Variants in WNK2 observed in about 807,000 individuals in gnomAD.
WNK2 encodes the protein WNK lysine deficient protein kinase 2.
A neutral mutation model predicts 192.1 loss-of-function variants in WNK2; 67 were observed. The ratio of observed to expected loss-of-function variants is 0.35; its 90% CI spans 0.29 to 0.43. WNK2 has a LOEUF of 0.43. Ranked by LOEUF, WNK2 falls within the 20% of genes least tolerant of loss-of-function variation. The pLI is 1.00. For synonymous variants in WNK2, 1,439 were observed against 1,393.9 expected (o/e 1.03, Z -0.72); for missense variants, 2,698 against 3,089.7 (o/e 0.87, Z 3.01).
At chr9:93,196,092 G>T (rs974751079) in intron 2 of WNK2, among the ~76,000 whole-genome samples, 3 of 152,202 alleles carry the variant, frequency 2.0e-5, no homozygotes, top group Non-Finnish European at 4.4e-5. Flanking sequence ...CTTGAAGGGT[G>T]CGAGGGGGAA....
chr9:93,302,497 TGTGG>T, intron 26 of WNK2, among the ~76,000 whole-genome samples: 1 of 152,142 alleles, frequency 6.6e-6, no homozygotes, highest in Non-Finnish European at 1.5e-5. Context: ...ACTGCCCTGG[TGTGG>T]GGCACTCCCA....
rs745677063 is a variant in WNK2, at chr9:93,289,423, C to T, written c.4669C>T (p.Arg1557Trp). 8.7e-6 allele frequency: 14 copies of T among 1,612,994 alleles called. No homozygotes were observed. The highest frequency in any genetic ancestry group is 1.7e-5 in the Admixed American group (1 of 60,018). ...CATCAAGAGCCTGGACGAGAAGCTG[C>T]GGACTCTGCTCTACCAGGAGCACGT... The part of the protein sequence containing the change: ...STIKSLDEKL[R>W]TLLYQEHVPT... Residue 1557 changes from arginine to tryptophan, a missense_variant, in exon 20 of 30, where the codon CGG becomes TGG. By Grantham distance (101) the Arg-to-Trp change is moderately radical. Around this residue, in one of 7 missense-constraint regions of WNK2, gnomAD observed 1,098 missense variants for 1,101.0 expected, o/e 1.00. Coordinates refer to ENST00000427277, the MANE Select transcript of WNK2 (RefSeq NM_006648.4).
rs373241231 is a variant in WNK2 at position 93,185,526 on chromosome 9, C to T, written c.597C>T (p.Ile199=). ...ACGGCCGCTTCCTCAAGTTCGACAT[C>T]GAGCTGGGCCGCGGTTCCTTCAAGA... is the stretch of plus-strand genomic sequence containing the variant. ...SLDGRFLKFD[I]ELGRGSFKTV... The change falls in exon 2 of 30, where the codon ATC becomes ATT. Residue 199 remains isoleucine (I), a synonymous_variant. Transcript: ENST00000427277. 63 of 1,612,884 alleles carry T rather than the reference C, an allele frequency of 3.9e-5. No individual in the cohort carries two copies. Among genetic ancestry groups the T allele is most frequent in the Non-Finnish European group, 4.7e-5 (56 of 1,179,712 alleles).
chr9:93,198,216 C>T (rs1831633762), intron 2 of WNK2, among the ~76,000 whole-genome samples: 1 of 152,230 alleles, frequency 6.6e-6, no homozygotes, highest in South Asian at 2.1e-4. Flanking sequence ...GATCGCCCAG[C>T]TCCCTCCTCC....
chr9:93,310,868 G>T (rs1014490632), intron 28 of WNK2, among the ~76,000 whole-genome samples: 2 of 152,206 alleles, frequency 1.3e-5, no homozygotes, highest in Non-Finnish European at 2.9e-5. Context: ...GGAGGCTGAG[G>T]TGGGAGGATC....
rs933698820 is a variant in WNK2, at chr9:93,230,775, C to T, written c.855-113C>T. 9.2e-5 allele frequency: 88 copies of T among 953,958 alleles called. 1 individual carries two copies. In the East Asian group the frequency reaches 1.3e-3, roughly 14 times the overall value. The allele number at this position is 953,958 out of a possible 1,614,324, so 59.1% of individuals were successfully genotyped here. On this transcript the variant is annotated intron_variant, in intron 3 of 29. Transcript: ENST00000427277. ...TTCACTACCTGTCACGGGTATGTGC[C>T]GTGTGCACGGGAATGGACTTTGTAC...
At chr9:93,312,756 T>C (rs748463012) in intron 28 of WNK2, among the ~76,000 whole-genome samples, 8 of 152,190 alleles carry the variant, frequency 5.3e-5, no homozygotes, top group Non-Finnish European at 1.0e-4. Flanking sequence ...CCCCTTTGAA[T>C]GGTCTTGGCC....
At chr9:93,240,819 T>A (rs962522527) in intron 7 of WNK2, among the ~76,000 whole-genome samples, 1 of 152,188 alleles carries the variant, frequency 6.6e-6, no homozygotes, top group African/African-American at 2.4e-5. Flanking sequence ...TGCCCACATG[T>A]GCTATTAAAA....
chr9:93,201,009 G>A (rs761813449), intron 2 of WNK2, among the ~76,000 whole-genome samples: 1 of 152,214 alleles, frequency 6.6e-6, no homozygotes, highest in Non-Finnish European at 1.5e-5. Flanking sequence ...CTAACAGCAA[G>A]GGGCCTTTCT....
chr9:93,187,611 G>A (rs1277840863), intron 2 of WNK2, among the ~76,000 whole-genome samples: 1 of 152,170 alleles, frequency 6.6e-6, no homozygotes, highest in African/African-American at 2.4e-5. Context: ...GGGCTGTGCT[G>A]GAAGTCTCGT....
Position 93,262,057 on chromosome 9 carries a change from A to G in WNK2, c.3310A>G (p.Ile1104Val). The G allele has an allele frequency of 6.2e-7, 1 of 1,609,728 alleles. No homozygotes were observed. Among genetic ancestry groups the G allele is most frequent in the Non-Finnish European group, 8.5e-7 (1 of 1,177,894 alleles). The part of the protein sequence containing the change: ...ANPPLPGGPG[I>V]ASPCPTVQLT... The stretch of plus-strand genomic sequence containing the variant: ...CCCACCGCTGCCTGGCGGGCCCGGG[A>G]TCGCCAGCCCTTGCCCAACTGTCCA... Residue 1104 changes from isoleucine to valine, a missense_variant, in exon 13 of 30, where the codon ATC (isoleucine) becomes GTC (valine). By Grantham distance (29) the Ile-to-Val change is conservative. This residue lies in a region of WNK2 where 893 missense variants were observed against 909.0 expected (regional missense o/e 0.98). Coordinates refer to ENST00000427277, the MANE Select transcript of WNK2 (RefSeq NM_006648.4).
At chr9:93,260,345 C>G (rs1349421373) in intron 12 of WNK2, among the ~76,000 whole-genome samples, 1 of 152,162 alleles carries the variant, frequency 6.6e-6, no homozygotes, top group East Asian at 1.9e-4. Flanking sequence ...CCTGGGCACT[C>G]TCGCACTTGG....
rs1217763962 is a variant in WNK2, at chr9:93,238,289, T to C, written c.1290T>C (p.Ile430=). The part of the protein sequence containing the change: ...KVHDPEIKEI[I]GECICKNKEE... ...ACGATCCTGAAATCAAGGAGATTATTGGGGAGTGTATCTGCAAAAACAAGG... is the reference window on the plus strand; with the variant it reads ...ACGATCCTGAAATCAAGGAGATTATCGGGGAGTGTATCTGCAAAAACAAGG... Residue 430 remains isoleucine, a synonymous_variant, in exon 6 of 30, where the codon ATT becomes ATC. Coordinates refer to ENST00000427277, the MANE Select transcript of WNK2 (RefSeq NM_006648.4). 1 of 1,613,894 alleles carries C rather than the reference T, an allele frequency of 6.2e-7. No homozygotes were observed. The highest frequency in any genetic ancestry group is 8.5e-7 in the Non-Finnish European group (1 of 1,179,894).
chr9:93,256,525 G>T, intron 10 of WNK2, 71 bp downstream of exon 10: 2 of 1,424,066 alleles, frequency 1.4e-6, no homozygotes, highest in Non-Finnish European at 9.2e-7. Flanking sequence ...CCTGGGCCCA[G>T]GTCTATGAGC....
At chr9:93,319,343 G>T in intron 29 of WNK2, 2 of 1,387,286 alleles carry the variant, frequency 1.4e-6, no homozygotes, top group Non-Finnish European at 1.9e-6. Flanking sequence ...GGTGCTGAGG[G>T]GCTGCGGGTG....
chr9:93,195,699 C>CAAAAAAAAAAAAAAAAAAAAAAA (rs59357990), intron 2 of WNK2, among the ~76,000 whole-genome samples: 5 of 41,670 alleles, frequency 1.2e-4, no homozygotes, highest in Non-Finnish European at 1.5e-4. Context: ...GACTTTGTCT[C>CAAAAAAAAAAAAAAAAAAAAAAA]AAAAAAAAAA....
In WNK2 at chr9:93,261,370, G is replaced by A. The variant is rs1844207761; in HGVS notation, c.3067-444G>A. 2.0e-5 allele frequency among the ~76,000 whole-genome samples: 3 copies of A among 152,214 alleles called. No homozygotes were observed. In the South Asian group the frequency reaches 6.2e-4, roughly 31 times the overall value. On this transcript the variant is annotated intron_variant, in intron 12 of 29. Coordinates refer to ENST00000427277, the MANE Select transcript of WNK2 (RefSeq NM_006648.4). ...AGAGAGAGACGAGAACAGTGAGAAA[G>A]CCAAGCCTAAGCCGCAGTCGCCCTC...
intron 26 of WNK2, 183 bp from the exon 27 acceptor site, chr9:93,306,594 G>C (rs984373351): frequency 5.7e-6 from 4 of 703,666 alleles, no homozygotes; most frequent in Middle Eastern, 7.6e-4. Context: ...GCTCGTGGGA[G>C]CCTGCACCCT....
intron 2 of WNK2, among the ~76,000 whole-genome samples, chr9:93,221,421 T>C (rs945138164): frequency 6.6e-6 from 1 of 152,200 alleles, no homozygotes; most frequent in Admixed American, 6.5e-5. Flanking sequence ...ACAGACTCTC[T>C]CCACCCGTCT....
Sources: gnomAD v4.1 joint callset for allele counts (sites outside exome capture counted in the v4.1 genomes callset) on GRCh38, gnomAD v4.1.1 for gene constraint, gnomAD v4.1.1 regional missense constraint, MANE v1.5 for transcripts, NCBI Gene and HGNC (gene_info 2026-07-23, HGNC 2026-07-21) for gene names.